Variants in GRM5 observed in about 807,000 individuals in gnomAD.
GRM5 encodes glutamate metabotropic receptor 5.
In GRM5, 19 loss-of-function variants were observed where a neutral mutation model predicts 83.1. The observed-to-expected ratio is 0.23, with a 90% CI of 0.16 to 0.34. The LOEUF is 0.34. Ranked by LOEUF, GRM5 falls within the 10% of genes least tolerant of loss-of-function variation. The probability of loss-of-function intolerance (pLI) is 1.00; values close to 1 mark genes in which losing one functional copy is unlikely to be tolerated. For synonymous variants in GRM5, 675 were observed against 633.6 expected (o/e 1.07, Z -0.98); for missense variants, 1,160 against 1,588.3 (o/e 0.73, Z 4.58).
At chr11:88,801,095 C>G (rs1047807186) in intron 3 of GRM5, among the ~76,000 whole-genome samples, 1 of 152,074 alleles carries the variant, frequency 6.6e-6, no homozygotes, top group Non-Finnish European at 1.5e-5. Context: ...AGAGGCATAC[C>G]ATTAAGCCTT....
chr11:88,860,353 C>G (rs1377201766), intron 2 of GRM5, among the ~76,000 whole-genome samples: 1 of 152,090 alleles, frequency 6.6e-6, no homozygotes, highest in Admixed American at 6.6e-5. Flanking sequence ...CTGAAGACTT[C>G]GGTGCATGTC....
At chr11:88,572,232 C>T (rs1565344130) in intron 7 of GRM5, among the ~76,000 whole-genome samples, 1 of 152,134 alleles carries the variant, frequency 6.6e-6, no homozygotes, top group Non-Finnish European at 1.5e-5. Flanking sequence ...GAAATAAACA[C>T]AACCAATGAG....
At chr11:89,020,175 C>T (rs183888964) in intron 2 of GRM5, among the ~76,000 whole-genome samples, 57 of 152,256 alleles carry the variant, frequency 3.7e-4, no homozygotes, top group African/African-American at 1.3e-3. Context: ...ATTTCTGGTC[C>T]TATTTATAGT....
chr11:88,564,366 T>G (rs1461874304), intron 8 of GRM5, among the ~76,000 whole-genome samples: 2 of 152,238 alleles, frequency 1.3e-5, no homozygotes, highest in Non-Finnish European at 2.9e-5. Flanking sequence ...TGGTTGGCAC[T>G]ATCAGTAAAA....
At chr11:88,727,925 G>A (rs189015347) in intron 3 of GRM5, among the ~76,000 whole-genome samples, 269 of 152,200 alleles carry the variant, frequency 1.8e-3, no homozygotes, top group African/African-American at 6.3e-3. Flanking sequence ...GGGAAAGCAG[G>A]AAAGATCTAA....
chr11:88,971,737 T>C (rs1198812902), intron 2 of GRM5, among the ~76,000 whole-genome samples: 1 of 152,144 alleles, frequency 6.6e-6, no homozygotes, highest in Non-Finnish European at 1.5e-5. Flanking sequence ...AGTGCATAAA[T>C]AGATTTTTTT....
At chr11:88,716,175 A>G (rs1941396425) in intron 3 of GRM5, among the ~76,000 whole-genome samples, 1 of 152,014 alleles carries the variant, frequency 6.6e-6, no homozygotes, top group Non-Finnish European at 1.5e-5. Flanking sequence ...CACCAGCCCA[A>G]ATTCTAAATG....
intron 2 of GRM5, among the ~76,000 whole-genome samples, chr11:88,881,653 T>G (rs1292390072): frequency 1.3e-5 from 2 of 152,172 alleles, no homozygotes; most frequent in Non-Finnish European, 2.9e-5. Flanking sequence ...CCATGTGAAC[T>G]CAGTTCTCTT....
Position 88,508,603 on chromosome 11 carries a change from A to G in GRM5, c.3628T>C (p.Ser1210Pro). The G allele has an allele frequency of 4.4e-6, 7 of 1,607,938 alleles. No individual in the cohort carries two copies. The South Asian group carries it at 6.6e-5, about 15-fold the overall frequency. ...LIIRDYTQSS[S>P]SL ...CTTTCCAGGGACATTCACAACGACG[A>G]GGAGCTCTGAGTGTAATCTCTTATG... is the stretch of plus-strand genomic sequence containing the variant. Residue 1210 changes from serine (S) to proline (P), a missense_variant, in exon 10 of 10, where the codon TCG becomes CCG. Coordinates refer to ENST00000305447, the MANE Select transcript of GRM5 (RefSeq NM_001143831.3). The surrounding 1 kb of genome is among the most constrained non-coding windows in gnomAD (Gnocchi z 4.2).
In GRM5 at chr11:88,896,061, A is replaced by G. The variant is rs549777208; in HGVS notation, c.662-45906T>C. 1.1e-3 allele frequency among the ~76,000 whole-genome samples: 172 copies of G among 152,102 alleles called. 1 individual carries two copies. Among genetic ancestry groups the G allele is most frequent in the Middle Eastern group, 6.8e-3 (2 of 294 alleles). ...TTTCAAATTGTATTATTAACTGCCT[A>G]TTAGAGAGAAGGTAATATGTATTGA... On this transcript the variant is annotated intron_variant, in intron 2 of 9. Transcript: ENST00000305447.
At chr11:88,862,717 T>C (rs948685109) in intron 2 of GRM5, among the ~76,000 whole-genome samples, 1 of 152,018 alleles carries the variant, frequency 6.6e-6, no homozygotes, top group African/African-American at 2.4e-5. Context: ...TAGGTAAACC[T>C]GTGCCATGGG....
intron 3 of GRM5, among the ~76,000 whole-genome samples, chr11:88,666,726 G>A (rs1294203262): frequency 6.7e-6 from 1 of 148,534 alleles, no homozygotes; most frequent in African/African-American, 2.6e-5. Context: ...AATGGAAACT[G>A]CTTCAGATCC....
intron 3 of GRM5, among the ~76,000 whole-genome samples, chr11:88,757,577 C>G (rs963722786): frequency 6.6e-6 from 1 of 151,778 alleles, no homozygotes; most frequent in Non-Finnish European, 1.5e-5. Flanking sequence ...GTGTCTCACC[C>G]CCATCAATGT....
intron 3 of GRM5, among the ~76,000 whole-genome samples, chr11:88,686,602 TC>T (rs1216008939): frequency 2.6e-5 from 4 of 152,136 alleles, no homozygotes; most frequent in African/African-American, 9.7e-5. Flanking sequence ...CTCCCATAAT[TC>T]CCATGTGTTG....
chr11:88,531,070 G>T (rs1453947696), intron 8 of GRM5, among the ~76,000 whole-genome samples: 1 of 151,986 alleles, frequency 6.6e-6, no homozygotes, highest in Non-Finnish European at 1.5e-5. Context: ...AAAGATAGAG[G>T]GATAACTAGA....
At chr11:88,776,404 G>T (rs1471128256) in intron 3 of GRM5, among the ~76,000 whole-genome samples, 1 of 152,124 alleles carries the variant, frequency 6.6e-6, no homozygotes, top group African/African-American at 2.4e-5. Context: ...TTGACAGTCT[G>T]TATCTTTTAA....
intron 4 of GRM5, among the ~76,000 whole-genome samples, chr11:88,642,318 A>G (rs1056281097): frequency 1.3e-5 from 2 of 152,126 alleles, no homozygotes; most frequent in African/African-American, 4.8e-5. Context: ...CAGGCCCACA[A>G]AAGCATTCTT....
intron 7 of GRM5, among the ~76,000 whole-genome samples, chr11:88,580,797 C>T (rs1314622870): frequency 6.6e-6 from 1 of 152,228 alleles, no homozygotes; most frequent in African/African-American, 2.4e-5. Context: ...TTGTGCTAGA[C>T]AGTCATTGAC....
intron 1 of GRM5, among the ~76,000 whole-genome samples, chr11:89,054,045 C>T (rs555610342): frequency 1.3e-5 from 2 of 152,262 alleles, no homozygotes; most frequent in South Asian, 4.1e-4. Flanking sequence ...TTCATGAGAA[C>T]GTTTTTCTGA....
Sources: gnomAD v4.1 joint callset for allele counts (sites outside exome capture counted in the v4.1 genomes callset) on GRCh38, gnomAD v4.1.1 for gene constraint, Gnocchi (gnomAD v3.1) non-coding constraint, MANE v1.5 for transcripts, NCBI Gene and HGNC (gene_info 2026-07-23, HGNC 2026-07-21) for gene names.